CGREF1: variants seen among roughly 807,000 people sequenced by gnomAD.
CGREF1 encodes cell growth regulator with EF-hand domain 1, also known as cell growth regulator with EF hand domain protein 1.
Under a neutral mutation model 17.4 loss-of-function variants are expected in CGREF1, and 16 were observed. The ratio of observed to expected loss-of-function variants is 0.92; its 90% CI spans 0.62 to 1.40. CGREF1 has a LOEUF of 1.40. Ranked by LOEUF, CGREF1 falls within the 40% of genes most tolerant of loss-of-function variation. The probability of loss-of-function intolerance (pLI) is 0.00; values close to 1 mark genes in which losing one functional copy is unlikely to be tolerated. For missense variants in CGREF1, 296 were observed against 376.4 expected (o/e 0.79, Z 1.77); for synonymous variants, 142 against 154.6 (o/e 0.92, Z 0.61).
In CGREF1 at chr2:27,102,796, T is replaced by G. The variant is rs986572092; in HGVS notation, c.81-205A>C. 26 of 555,002 alleles carry G rather than the reference T, an allele frequency of 4.7e-5. No homozygotes were observed. In the African/African-American group the frequency reaches 5.1e-4, roughly 11 times the overall value. 34.4% of individuals were successfully genotyped at this position (555,002 alleles called of 1,614,324 possible). ...CTCCCTCAGACTCTGTTTTTGCAGC[T>G]GGCTACCTTAGACTTTAAATGAAAA... On this transcript the variant is annotated intron_variant, in intron 2 of 5. Coordinates refer to ENST00000402394, the MANE Select transcript of CGREF1 (RefSeq NM_006569.6).
chr2:27,099,444 TGAG>T (rs745546639), downstream of CGREF1: 141 of 1,613,852 alleles, frequency 8.7e-5, no homozygotes, highest in Non-Finnish European at 1.1e-4. Flanking sequence ...GTGCCTGGGC[TGAG>T]GAGGGCGCCG....
downstream of CGREF1, chr2:27,099,411 G>T: frequency 3.1e-6 from 5 of 1,613,524 alleles, no homozygotes; most frequent in Non-Finnish European, 4.2e-6. Flanking sequence ...GAGTGGAGCC[G>T]TCTTGCAGGG....
chr2:27,111,046 G>A (rs938279254), intron 1 of CGREF1: 8 of 152,454 alleles, frequency 5.2e-5, no homozygotes, highest in African/African-American at 1.9e-4. Flanking sequence ...AAGATTTATT[G>A]CAAAGAGCGA....
intron 1 of CGREF1, among the ~76,000 whole-genome samples, chr2:27,114,418 T>G (rs1472772874): frequency 6.6e-6 from 1 of 152,190 alleles, no homozygotes; most frequent in Non-Finnish European, 1.5e-5. Flanking sequence ...GCCACTGTGG[T>G]AGCTTTAAAA....
chr2:27,104,747 G>A (rs1259117807), intron 1 of CGREF1: 2 of 1,505,576 alleles, frequency 1.3e-6, no homozygotes, highest in East Asian at 2.5e-5. Flanking sequence ...CAGATGGAAA[G>A]GAGCGCAGAA....
downstream of CGREF1, chr2:27,099,770 A>G (rs1558454126): frequency 1.9e-6 from 3 of 1,552,262 alleles, no homozygotes; most frequent in Admixed American, 5.1e-5. Context: ...CCGGCTCCTC[A>G]CACACCATGG....
At chr2:27,104,751 C>T (rs764450946) in intron 1 of CGREF1, 38 of 1,495,028 alleles carry the variant, frequency 2.5e-5, no homozygotes, top group African/African-American at 4.2e-5. Flanking sequence ...TGGAAAGGAG[C>T]GCAGAAAGTT....
At position 27,101,319 on chromosome 2, in the gene CGREF1, AT is replaced by A; in HGVS notation, c.911del (p.Asn304MetfsTer18). 1 of 1,596,104 alleles carries A rather than the reference AT, an allele frequency of 6.3e-7. No individual in the cohort carries two copies. Among genetic ancestry groups the A allele is most frequent in the Admixed American group, 1.7e-5 (1 of 57,510 alleles). On this transcript the variant is annotated frameshift_variant, in exon 6 of 6. Transcript: ENST00000402394. LOFTEE classifies it high-confidence loss of function. Reference protein sequence around the residue: ...GETLESKNTQNDFEVHIVQVE... With the variant: ...GETLESKNTQXDFEVHIVQVE... ...CTTGAACAATGTGCACCTCAAAGTCATTTTGGGTGTTCTTAGACTCCAGTGT... is the reference window on the plus strand; with the variant it reads ...CTTGAACAATGTGCACCTCAAAGTCATTTGGGTGTTCTTAGACTCCAGTGT...
Position 27,100,704 on chromosome 2 carries a change from C to T in CGREF1, c.*570G>A, listed in dbSNP as rs1459521395. ...AAATGGAACCAATTCTGCTTGGCTA[C>T]AGAATTATTGTGAGGATAAAATCAT... On this transcript the variant is annotated 3_prime_UTR_variant, in exon 6 of 6. Coordinates refer to ENST00000402394, the MANE Select transcript of CGREF1 (RefSeq NM_006569.6). 2.6e-5 allele frequency: 29 copies of T among 1,119,824 alleles called. No homozygotes were observed. The highest frequency in any genetic ancestry group is 1.0e-4 in the Admixed American group (3 of 28,708). 69.4% of individuals were successfully genotyped at this position (1,119,824 alleles called of 1,614,324 possible).
At chr2:27,111,443 T>A (rs1016144458) in intron 1 of CGREF1, among the ~76,000 whole-genome samples, 2 of 152,242 alleles carry the variant, frequency 1.3e-5, no homozygotes, top group African/African-American at 4.8e-5. Flanking sequence ...AGAGCTCAGC[T>A]GGCTTCACCC....
At chr2:27,102,296 G>C in intron 4 of CGREF1, 64 bp downstream of exon 4, 1 of 1,611,628 alleles carries the variant, frequency 6.2e-7, no homozygotes, top group Non-Finnish European at 8.5e-7. Context: ...GGGCAGCCGA[G>C]GTCAGTCCCA....
rs373612416 is a variant in CGREF1, at chr2:27,101,420, C to G, written c.811G>C (p.Gly271Arg). 6.4e-7 allele frequency: 1 copy of G among 1,574,436 alleles called. No homozygotes were observed. Among genetic ancestry groups the G allele is most frequent in the Non-Finnish European group, 8.6e-7 (1 of 1,157,842 alleles). ...GQAEAEGDAPGPRGEAGGQAE... is the reference protein window; with the variant it reads ...GQAEAEGDAPRPRGEAGGQAE... ...TGGCCCCCAGCTTCCCCTCTGGGCC[C>G]GGGGGCATCTCCTTCAGCCTCTGCC... The change falls in exon 6 of 6, where the codon GGG becomes CGG. Residue 271 changes from glycine (G) to arginine (R), a missense_variant. By Grantham distance (125) the Gly-to-Arg change is moderately radical. Transcript: ENST00000402394.
intron 2 of CGREF1, 125 bp downstream of exon 2, chr2:27,104,162 G>C (rs946727835): frequency 3.2e-6 from 3 of 933,388 alleles, no homozygotes; most frequent in African/African-American, 1.7e-5. Flanking sequence ...TGATGGCAGG[G>C]AGATACAGAG....
intron 1 of CGREF1, among the ~76,000 whole-genome samples, chr2:27,114,414 G>A (rs1671502474): frequency 6.6e-6 from 1 of 152,174 alleles, no homozygotes; most frequent in South Asian, 2.1e-4. Flanking sequence ...TTAGGCCACT[G>A]TGGTAGCTTT....
downstream of CGREF1, chr2:27,099,535 G>GGA: frequency 6.2e-7 from 1 of 1,614,194 alleles, no homozygotes; most frequent in Non-Finnish European, 8.5e-7. Flanking sequence ...ACTGGGAGCT[G>GGA]GAGACACCTT....
chr2:27,099,930 G>A (rs3769141), downstream of CGREF1: 2 of 1,368,450 alleles, frequency 1.5e-6, no homozygotes, highest in Admixed American at 3.9e-5. Flanking sequence ...ATGGCTGGGG[G>A]ATGCAGAGCC....
Position 27,101,875 on chromosome 2 carries a change from A to G in CGREF1, c.356T>C (p.Val119Ala). 1 of 1,612,484 alleles carries G rather than the reference A, an allele frequency of 6.2e-7. No homozygotes were observed. Among genetic ancestry groups the G allele is most frequent in the Non-Finnish European group, 8.5e-7 (1 of 1,179,516 alleles). The change falls in exon 6 of 6, where the codon GTG becomes GCG. Residue 119 changes from valine to alanine, a missense_variant. This residue lies in a region of CGREF1 where 247 missense variants were observed against 267.2 expected (regional missense o/e 0.92). Transcript: ENST00000402394. ...GTCCTGGGTCTCGAGCACTTTGTCC[A>G]CTATCAAGATCACCTGTGGAAGCAG... ...SPTTNPVILI[V>A]DKVLETQDLN...
At chr2:27,108,939 T>C (rs947686889) in intron 1 of CGREF1, among the ~76,000 whole-genome samples, 9 of 151,840 alleles carry the variant, frequency 5.9e-5, no homozygotes, top group African/African-American at 2.2e-4. Flanking sequence ...TGTGCCACCA[T>C]GCCCAGCTTT....
At chr2:27,108,190 G>A (rs1215790714) in intron 1 of CGREF1, among the ~76,000 whole-genome samples, 20 of 152,092 alleles carry the variant, frequency 1.3e-4, no homozygotes, top group Admixed American at 1.3e-3. Context: ...AGGAGGCGGA[G>A]GTTGCAGTGA....
Sources: gnomAD v4.1 joint callset for allele counts (sites outside exome capture counted in the v4.1 genomes callset) on GRCh38, gnomAD v4.1.1 for gene constraint, gnomAD v4.1.1 regional missense constraint, MANE v1.5 for transcripts, NCBI Gene and HGNC (gene_info 2026-07-23, HGNC 2026-07-21) for gene names.